MAP3K9: variants seen among roughly 807,000 people sequenced by gnomAD.
MAP3K9 encodes mitogen-activated protein kinase kinase kinase 9, also known as mixed lineage kinase 1 (tyr and ser/thr specificity).
A neutral mutation model predicts 95.8 loss-of-function variants in MAP3K9; 46 were observed. The observed-to-expected ratio is 0.48, with a 90% CI of 0.38 to 0.61. The LOEUF (loss-of-function observed/expected upper bound fraction) is 0.61, where lower values mean the gene tolerates loss of function less well. MAP3K9 is among the 20% of genes least tolerant of loss of function. MAP3K9 has a pLI of 0.00. For missense variants in MAP3K9, 1,296 were observed against 1,474.3 expected, an observed-to-expected ratio of 0.88 and a Z score of 1.98; for synonymous variants, 533 against 593.8, an observed-to-expected ratio of 0.90 and a Z score of 1.49.
At chr14:70,788,172 T>C (rs746531858) in intron 2 of MAP3K9, among the ~76,000 whole-genome samples, 11 of 152,230 alleles carry the variant, frequency 7.2e-5, no homozygotes, top group Non-Finnish European at 1.2e-4. Context: ...TTTTTACCCA[T>C]GTGTATCCAC....
At chr14:70,748,752 T>C (rs2054184131) in intron 5 of MAP3K9, 77 bp downstream of exon 5, 3 of 1,176,444 alleles carry the variant, frequency 2.6e-6, no homozygotes, top group Non-Finnish European at 3.6e-6. Context: ...GAGGTCCCTG[T>C]GAGTGAGGTC....
At position 70,774,922 on chromosome 14, in the gene MAP3K9, T is replaced by A. The variant is rs542830042; in HGVS notation, c.821-13740A>T. ...TCACTTGAATCTGGGAGGGAGAGGTTGCAGTAAGCCAAGATCGTGCCACTG... is the reference window on the plus strand; with the variant it reads ...TCACTTGAATCTGGGAGGGAGAGGTAGCAGTAAGCCAAGATCGTGCCACTG... On this transcript the variant is annotated intron_variant, in intron 2 of 11. Transcript: ENST00000554752. Among the ~76,000 whole-genome samples the A allele has an allele frequency of 4.0e-3, 510 of 126,418 alleles. 1 individual carries two copies. Among genetic ancestry groups the A allele is most frequent in the Admixed American group, 4.4e-3 (40 of 9,084 alleles). 82.9% of individuals were successfully genotyped at this position (126,418 alleles called of 152,430 possible).
intron 2 of MAP3K9, among the ~76,000 whole-genome samples, chr14:70,798,470 A>ATTTTTTTTT (rs1355994940): frequency 9.2e-6 from 1 of 108,340 alleles, no homozygotes; most frequent in Non-Finnish European, 2.0e-5. Context: ...GGTCACCAAA[A>ATTTTTTTTT]GTTTTTTTTT....
At position 70,722,791 on chromosome 14, in the gene MAP3K9, C is replaced by T. The variant is rs1357077992; in HGVS notation, c.*7589G>A. 2 of 151,984 alleles carry T rather than the reference C, an allele frequency of 1.3e-5. No individual in the cohort carries two copies. The highest frequency in any genetic ancestry group is 1.9e-4 in the East Asian group (1 of 5,182). The allele number at this position is 151,984 out of a possible 1,614,324, so 9.4% of individuals were successfully genotyped here. ...TAAATCCCAAAGCAAAGTGGGAATT[C>T]AAGGACACGGGGTCAGGACACATGA... On this transcript the variant is annotated 3_prime_UTR_variant, in exon 12 of 12. Coordinates refer to ENST00000554752, the MANE Select transcript of MAP3K9 (RefSeq NM_001284230.2).
Position 70,742,513 on chromosome 14 carries a change from CCCGACGCCG to C in MAP3K9, c.1396_1404del (p.Arg466_Arg468del), listed in dbSNP as rs1221624447. 1 of 1,614,234 alleles carries C rather than the reference CCCGACGCCG, an allele frequency of 6.2e-7. No homozygotes were observed. Among genetic ancestry groups the C allele is most frequent in the Non-Finnish European group, 8.5e-7 (1 of 1,180,040 alleles). ...ATCTCCCGCTCGGCCAGCTCCTGCTCCCGACGCCGCAGCAGTTCCTCCTGGTTCTTCTGC... is the reference window on the plus strand; with the variant it reads ...ATCTCCCGCTCGGCCAGCTCCTGCTCCAGCAGTTCCTCCTGGTTCTTCTGC... On this transcript the variant is annotated inframe_deletion, in exon 6 of 12. Transcript: ENST00000554752.
chr14:70,758,141 C>G (rs2054321636), intron 3 of MAP3K9, among the ~76,000 whole-genome samples: 1 of 152,196 alleles, frequency 6.6e-6, no homozygotes, highest in East Asian at 1.9e-4. Flanking sequence ...ATTTGCTAAT[C>G]ATATATCTGA....
At position 70,730,186 on chromosome 14, in the gene MAP3K9, C is replaced by T. The variant is rs534417868; in HGVS notation, c.*194G>A. 20 of 759,946 alleles carry T rather than the reference C, an allele frequency of 2.6e-5. No homozygotes were observed. The highest frequency in any genetic ancestry group is 6.0e-5 in the Admixed American group (2 of 33,274). 47.1% of individuals were successfully genotyped at this position (759,946 alleles called of 1,614,324 possible). A position where few individuals can be genotyped will look rare whatever the true frequency, so the allele number is the denominator to read the frequency against. ...ATGGCCACAGCCCCTCCAGTGGACA[C>T]GGGTAGAAAGGCCCTGCAGGGCAGG... is the stretch of plus-strand genomic sequence containing the variant. On this transcript the variant is annotated 3_prime_UTR_variant, in exon 12 of 12. Coordinates refer to ENST00000554752, the MANE Select transcript of MAP3K9 (RefSeq NM_001284230.2).
intron 5 of MAP3K9, 23 bp from the exon 6 acceptor site, chr14:70,742,614 A>G (rs1453205832): frequency 6.2e-7 from 1 of 1,611,042 alleles, no homozygotes; most frequent in South Asian, 1.1e-5. Context: ...CAGAACCATC[A>G]GAGAAAAGAC....
intron 2 of MAP3K9, among the ~76,000 whole-genome samples, chr14:70,777,183 C>T (rs572696977): frequency 6.6e-6 from 1 of 152,162 alleles, no homozygotes; most frequent in Non-Finnish European, 1.5e-5. Context: ...TCGACCAATG[C>T]CCACCTCAAA....
chr14:70,787,084 G>C (rs1415015344), intron 2 of MAP3K9, among the ~76,000 whole-genome samples: 1 of 152,102 alleles, frequency 6.6e-6, no homozygotes, highest in African/African-American at 2.4e-5. Context: ...GAAAACAGTT[G>C]TATCTGCACA....
In MAP3K9 at chr14:70,800,848, C is replaced by A. The variant is rs1447846323; in HGVS notation, c.639G>T (p.Glu213Asp). 1 of 1,614,054 alleles carries A rather than the reference C, an allele frequency of 6.2e-7. No individual in the cohort carries two copies. Among genetic ancestry groups the A allele is most frequent in the East Asian group, 2.2e-5 (1 of 44,894 alleles). ...ACTCCATGACCAAGCAGAGGTTGGG[C>A]TCCTTCAGACATACCCCTCTTAGGG... ...IIALRGVCLK[E>D]PNLCLVMEFA... Residue 213 changes from glutamate to aspartate, a missense_variant, in exon 2 of 12, where the codon GAG (glutamate) becomes GAT (aspartate). Glu to Asp is a conservative substitution (Grantham distance 45, BLOSUM62 2). Around this residue, in one of 5 missense-constraint regions of MAP3K9, gnomAD observed 338 missense variants for 363.4 expected, o/e 0.93. Transcript: ENST00000554752.
intron 2 of MAP3K9, among the ~76,000 whole-genome samples, chr14:70,795,079 C>T (rs190288212): frequency 1.4e-3 from 205 of 147,858 alleles, no homozygotes; most frequent in Admixed American, 2.5e-3. Context: ...CCACAACCTC[C>T]GCCTCCCGGG....
chr14:70,798,767 C>G (rs1005217323), intron 2 of MAP3K9, among the ~76,000 whole-genome samples: 1 of 151,940 alleles, frequency 6.6e-6, no homozygotes, highest in Admixed American at 6.6e-5. Context: ...CGTGAGCCAC[C>G]GCGCCCGGCC....
At position 70,800,927 on chromosome 14, in the gene MAP3K9, T is replaced by C. The variant is rs1252185407; in HGVS notation, c.560A>G (p.Asn187Ser). 3.1e-6 allele frequency: 5 copies of C among 1,614,174 alleles called. No homozygotes were observed. The highest frequency in any genetic ancestry group is 3.4e-6 in the Non-Finnish European group (4 of 1,180,036). The change falls in exon 2 of 12, where the codon AAT becomes AGT. Residue 187 changes from asparagine to serine, a missense_variant. By Grantham distance (46) the Asn-to-Ser change is conservative. Transcript: ENST00000554752. ...PDEDISQTIE[N>S]VRQEAKLFAM... is the part of the protein sequence containing the mutation. ...GAAGAGCTTGGCCTCTTGGCGAACA[T>C]TCTCTATGGTCTGGCTGATGTCCTC...
chr14:70,746,874 T>A (rs1298412181), intron 5 of MAP3K9, among the ~76,000 whole-genome samples: 3 of 152,164 alleles, frequency 2.0e-5, no homozygotes, highest in African/African-American at 7.2e-5. Flanking sequence ...GGGTCAGTGA[T>A]GCAGCAATCA....
chr14:70,780,804 GT>G (rs1405374737), intron 2 of MAP3K9, among the ~76,000 whole-genome samples: 17 of 152,244 alleles, frequency 1.1e-4, no homozygotes, highest in Non-Finnish European at 1.6e-4. Context: ...CCAGATCTCC[GT>G]CATACCTCTG....
chr14:70,748,296 G>C (rs567860452), intron 5 of MAP3K9, among the ~76,000 whole-genome samples: 10 of 152,128 alleles, frequency 6.6e-5, no homozygotes, highest in Admixed American at 1.3e-4. Context: ...TTAGGGAATG[G>C]CCACCAAAAC....
chr14:70,778,052 C>T (rs965658685), intron 2 of MAP3K9, among the ~76,000 whole-genome samples: 8 of 151,986 alleles, frequency 5.3e-5, no homozygotes, highest in African/African-American at 7.2e-5. Flanking sequence ...GAAACTAGGA[C>T]GGAACCTCTC....
chr14:70,730,479 T>C lies in MAP3K9; in HGVS notation c.3216A>G (p.Ala1072=), dbSNP rs1245313588. 1 of 1,614,032 alleles carries C rather than the reference T, an allele frequency of 6.2e-7. No homozygotes were observed. The highest frequency in any genetic ancestry group is 1.3e-5 in the African/African-American group (1 of 74,948). ...PTERTLLDLD[A]EGQSQDSTVP... ...CGGTGCTGTCCTGACTCTGCCCCTC[T>C]GCATCCAGGTCCAGGAGCGTCCGCT... Residue 1072 remains alanine, a synonymous_variant, in exon 12 of 12, where the codon GCA becomes GCG. Transcript: ENST00000554752.
Sources: gnomAD v4.1 joint callset for allele counts (sites outside exome capture counted in the v4.1 genomes callset) on GRCh38, gnomAD v4.1.1 for gene constraint, gnomAD v4.1.1 regional missense constraint, MANE v1.5 for transcripts, NCBI Gene and HGNC (gene_info 2026-07-23, HGNC 2026-07-21) for gene names.